KANK4: variants seen among roughly 807,000 people sequenced by gnomAD.
KANK4 encodes the protein KN motif and ankyrin repeat domain-containing protein 4.
Under a neutral mutation model 80.8 loss-of-function variants are expected in KANK4, and 50 were observed. The observed-to-expected ratio is 0.62, with a 90% CI of 0.49 to 0.78. The LOEUF is 0.78. Among genes scored for constraint, KANK4 ranks in the 30% least tolerant of loss-of-function variants. The probability of loss-of-function intolerance (pLI) is 0.00; values close to 1 mark genes in which losing one functional copy is unlikely to be tolerated. For synonymous variants in KANK4, 465 were observed against 506.9 expected (o/e 0.92, Z 1.11); for missense variants, 1,196 against 1,240.1 (o/e 0.96, Z 0.53).
In KANK4 at chr1:62,274,755, G is replaced by C. The variant is rs1443013801; in HGVS notation, c.349C>G (p.Gln117Glu). ...NQSPPLGNAP[Q>E]ASTSRSEVSY... ...ACCTCACTCCTGCTTGTTGAGGCCT[G>C]GGGGGCATTACCAAGCGGTGGTGAC... The change falls in exon 3 of 10, where the codon CAG becomes GAG. Residue 117 changes from glutamine to glutamate, a missense_variant. Around this residue, in one of 3 missense-constraint regions of KANK4, gnomAD observed 1,154 missense variants for 1,179.6 expected, o/e 0.98. Coordinates refer to ENST00000371153, the MANE Select transcript of KANK4 (RefSeq NM_181712.5). The C allele has an allele frequency of 1.2e-6, 2 of 1,614,042 alleles. No homozygotes were observed. Among genetic ancestry groups the C allele is most frequent in the Non-Finnish European group, 1.7e-6 (2 of 1,179,910 alleles).
At position 62,268,284 on chromosome 1, in the gene KANK4, C is replaced by T. The variant is rs763588781; in HGVS notation, c.2231+3G>A. The T allele has an allele frequency of 4.1e-5, 66 of 1,612,530 alleles. No individual in the cohort carries two copies. Among genetic ancestry groups the T allele is most frequent in the Admixed American group, 8.3e-5 (5 of 59,930 alleles). On this transcript the variant is annotated splice_donor_region_variant and intron_variant, in intron 5 of 9. Transcript: ENST00000371153. Reference sequence around the variant, plus strand: ...GTGCCCGCGTTTGTGTCCATTTGCTCACCTCTCGGCCTTGGAGTGGGGGAC... The same window carrying T: ...GTGCCCGCGTTTGTGTCCATTTGCTTACCTCTCGGCCTTGGAGTGGGGGAC...
intron 1 of KANK4, among the ~76,000 whole-genome samples, chr1:62,298,560 A>G (rs1204859975): frequency 6.6e-6 from 1 of 152,170 alleles, no homozygotes; most frequent in Non-Finnish European, 1.5e-5. Context: ...AGGAATGGGA[A>G]GGAGCTCAAC....
intron 9 of KANK4, among the ~76,000 whole-genome samples, chr1:62,244,405 T>C (rs1398985072): frequency 2.0e-5 from 3 of 152,086 alleles, no homozygotes; most frequent in Non-Finnish European, 4.4e-5. Context: ...ATGGTTTGGC[T>C]GTGTCCCCAC....
At position 62,266,759 on chromosome 1, in the gene KANK4, T is replaced by C. The variant is rs771212241; in HGVS notation, c.2292A>G (p.Glu764=). The change falls in exon 6 of 10, where the codon GAA becomes GAG. Residue 764 remains glutamate (E), a synonymous_variant. Transcript: ENST00000371153. ...AGAGCTGGTCTGTGGTGGTCCCAGTTTCTGGCAGATGCTGGCTCAGTGCCC... is the reference window on the plus strand; with the variant it reads ...AGAGCTGGTCTGTGGTGGTCCCAGTCTCTGGCAGATGCTGGCTCAGTGCCC... ...ACRALSQHLP[E]TGTTTDQLLR... 43 of 1,612,690 alleles carry C rather than the reference T, an allele frequency of 2.7e-5. No homozygotes were observed. Among genetic ancestry groups the C allele is most frequent in the Non-Finnish European group, 3.3e-5 (39 of 1,178,786 alleles).
chr1:62,238,635 T>TTC (rs1257879256), intron 9 of KANK4, among the ~76,000 whole-genome samples: 6 of 150,978 alleles, frequency 4.0e-5, no homozygotes, highest in Non-Finnish European at 8.9e-5. Flanking sequence ...TAATGCTCTT[T>TTC]TTTTTTTTTT....
At chr1:62,255,047 G>A (rs1206988346) in intron 7 of KANK4, among the ~76,000 whole-genome samples, 9 of 147,774 alleles carry the variant, frequency 6.1e-5, no homozygotes, top group African/African-American at 2.3e-4. Context: ...CACCATGCCC[G>A]GCTAATTTTT....
In KANK4 at chr1:62,304,141, C is replaced by T. The variant is rs1016766411; in HGVS notation, c.-71+14965G>A. ...CTGCCCACCTTGGCCTCCCAAAATG[C>T]TGGGATTACAGGCATGAGCCACCAT... is the stretch of plus-strand genomic sequence containing the variant. On this transcript the variant is annotated intron_variant, in intron 1 of 9. Transcript: ENST00000371153. Among the ~76,000 whole-genome samples the T allele has an allele frequency of 2.3e-4, 35 of 152,048 alleles. 1 individual carries two copies. The highest frequency in any genetic ancestry group is 3.7e-4 in the Non-Finnish European group (25 of 68,014).
chr1:62,255,035 G>A (rs145322327), intron 7 of KANK4, among the ~76,000 whole-genome samples: 16 of 150,780 alleles, frequency 1.1e-4, no homozygotes, highest in Middle Eastern at 6.8e-3. Flanking sequence ...ACAGGTGCAC[G>A]CCACCATGCC....
rs1644570560 is a variant in KANK4, at chr1:62,319,252, G to C, written c.-217C>G. On this transcript the variant is annotated 5_prime_UTR_variant, in exon 1 of 10. Transcript: ENST00000371153. ...GCGCACCCCGGGGCTGGCGCACCCT[G>C]GTCGTCCGCGGCGCGCACACCCTCC... The C allele has an allele frequency of 6.6e-6, 1 of 152,040 alleles. No individual in the cohort carries two copies. The highest frequency in any genetic ancestry group is 2.4e-5 in the African/African-American group (1 of 41,520). The allele number at this position is 152,040 out of a possible 1,614,324, so 9.4% of individuals were successfully genotyped here. A position where few individuals can be genotyped will look rare whatever the true frequency, so the allele number is the denominator to read the frequency against.
intron 7 of KANK4, among the ~76,000 whole-genome samples, chr1:62,261,065 C>T (rs1671872501): frequency 6.6e-6 from 1 of 152,160 alleles, no homozygotes; most frequent in Non-Finnish European, 1.5e-5. Flanking sequence ...GGTCCTTCTC[C>T]TCTTGCAGCC....
At position 62,274,044 on chromosome 1, in the gene KANK4, C is replaced by G. The variant is rs770542008; in HGVS notation, c.1060G>C (p.Gly354Arg). 2 of 1,614,092 alleles carry G rather than the reference C, an allele frequency of 1.2e-6. No homozygotes were observed. The highest frequency in any genetic ancestry group is 1.3e-5 in the African/African-American group (1 of 74,934). The change falls in exon 3 of 10, where the codon GGA becomes CGA. Residue 354 changes from glycine to arginine, a missense_variant. Around this residue, in one of 3 missense-constraint regions of KANK4, gnomAD observed 1,154 missense variants for 1,179.6 expected, o/e 0.98. Transcript: ENST00000371153. ...SLKQQVSALE[G>R]ELSGRTEELA... Reference sequence around the variant, plus strand: ...TCCTCGGTTCTTCCAGACAACTCTCCCTCCAGGGCCGAGACCTGCTGTTTC... The same window carrying G: ...TCCTCGGTTCTTCCAGACAACTCTCGCTCCAGGGCCGAGACCTGCTGTTTC...
intron 1 of KANK4, among the ~76,000 whole-genome samples, chr1:62,309,572 A>C (rs1229801046): frequency 6.6e-6 from 1 of 152,184 alleles, no homozygotes; most frequent in African/African-American, 2.4e-5. Context: ...CATTACTTAA[A>C]TTTTTTTAAA....
At position 62,274,348 on chromosome 1, in the gene KANK4, G is replaced by A. The variant is rs1291330921; in HGVS notation, c.756C>T (p.Phe252=). 2 of 1,614,216 alleles carry A rather than the reference G, an allele frequency of 1.2e-6. No individual in the cohort carries two copies. The highest frequency in any genetic ancestry group is 1.7e-6 in the Non-Finnish European group (2 of 1,180,044). The part of the protein sequence containing the change: ...PNHLPLPGPP[F]SFQNVLVVLE... ...GAACTACAAGCACATTCTGGAATGA[G>A]AAAGGAGGGCCTGGGAGAGGGAGGT... Residue 252 remains phenylalanine, a synonymous_variant, in exon 3 of 10, where the codon TTC becomes TTT. Transcript: ENST00000371153.
At chr1:62,266,519 ACACT>A (rs955479156) in intron 6 of KANK4, among the ~76,000 whole-genome samples, 2 of 150,912 alleles carry the variant, frequency 1.3e-5, no homozygotes, top group Non-Finnish European at 3.0e-5. Context: ...ACACCACTGC[ACACT>A]CACACCACTG....
intron 8 of KANK4, among the ~76,000 whole-genome samples, chr1:62,250,126 T>G (rs1238396248): frequency 6.6e-6 from 1 of 152,178 alleles, no homozygotes; most frequent in South Asian, 2.1e-4. Flanking sequence ...TAGCTGGGAA[T>G]ACAGGCGTGC....
chr1:62,259,917 G>A (rs1671838527), intron 7 of KANK4, among the ~76,000 whole-genome samples: 1 of 152,048 alleles, frequency 6.6e-6, no homozygotes, highest in African/African-American at 2.4e-5. Flanking sequence ...GCCCCATACA[G>A]CTTTCCTAAA....
intron 2 of KANK4, among the ~76,000 whole-genome samples, chr1:62,276,072 C>T (rs1257941917): frequency 6.6e-6 from 1 of 151,904 alleles, no homozygotes; most frequent in African/African-American, 2.4e-5. Context: ...CCAGGGCAAC[C>T]CATACCCTGG....
At position 62,268,464 on chromosome 1, in the gene KANK4, C is replaced by T; in HGVS notation, c.2054G>A (p.Ser685Asn). 6.2e-7 allele frequency: 1 copy of T among 1,613,792 alleles called. No homozygotes were observed. Among genetic ancestry groups the T allele is most frequent in the Non-Finnish European group, 8.5e-7 (1 of 1,180,022 alleles). ...GCTGTCAGACAAGTCCTCTGGGGTG[C>T]TGTCCTCACCGCTGGTCTCCTCACT... ...TSSEETSGED[S>N]TPEDLSDSEA... Residue 685 changes from serine (S) to asparagine (N), a missense_variant, in exon 5 of 10, where the codon AGC becomes AAC. Around this residue, in one of 3 missense-constraint regions of KANK4, gnomAD observed 1,154 missense variants for 1,179.6 expected, o/e 0.98. Coordinates refer to ENST00000371153, the MANE Select transcript of KANK4 (RefSeq NM_181712.5).
intron 7 of KANK4, among the ~76,000 whole-genome samples, chr1:62,260,930 C>T (rs1468441943): frequency 6.6e-6 from 1 of 152,238 alleles, no homozygotes; most frequent in Non-Finnish European, 1.5e-5. Flanking sequence ...CCACCCAAAG[C>T]TCTGTTGCCC....
Sources: allele counts gnomAD v4.1 joint callset (sites outside exome capture counted in the v4.1 genomes callset), GRCh38; gene constraint gnomAD v4.1.1; regional missense constraint gnomAD v4.1.1; transcripts MANE v1.5; gene names NCBI Gene and HGNC (gene_info 2026-07-23, HGNC 2026-07-21).